RAB20: variants seen among roughly 807,000 people sequenced by gnomAD.
RAB20 encodes the protein ras-related protein Rab-20.
RAB20 carries 2 observed loss-of-function variants against 3.7 expected under a neutral mutation model. That is an observed-to-expected ratio of 0.54 (90% CI 0.22 to 1.69). The LOEUF (loss-of-function observed/expected upper bound fraction) is 1.69. Ranked by LOEUF, RAB20 falls within the 40% of genes most tolerant of loss-of-function variation. The pLI, the probability that RAB20 is intolerant of heterozygous loss-of-function variation, is 0.19. For synonymous variants in RAB20, 126 were observed against 130.8 expected, an observed-to-expected ratio of 0.96 and a Z score of 0.25; for missense variants, 276 against 311.9, an observed-to-expected ratio of 0.88 and a Z score of 0.87.
chr13:110,547,848 C>T (rs1485688966), intron 1 of RAB20, among the ~76,000 whole-genome samples: 1 of 152,182 alleles, frequency 6.6e-6, no homozygotes, highest in Non-Finnish European at 1.5e-5. Context: ...CCTGCATGAC[C>T]CCACAAGCTA....
chr13:110,528,788 C>T (rs1170936953), intron 1 of RAB20, among the ~76,000 whole-genome samples: 1 of 152,134 alleles, frequency 6.6e-6, no homozygotes, highest in Non-Finnish European at 1.5e-5. Context: ...AAGGAAAGAT[C>T]TTAGTAATGA....
chr13:110,530,483 A>G (rs11616291), intron 1 of RAB20, among the ~76,000 whole-genome samples: 1 of 41,980 alleles, frequency 2.4e-5, no homozygotes, highest in Non-Finnish European at 4.1e-5. Context: ...CAGACACAGG[A>G]CCCTGGGGAA....
chr13:110,556,349 G>A (rs1420405075), intron 1 of RAB20, among the ~76,000 whole-genome samples: 1 of 152,186 alleles, frequency 6.6e-6, no homozygotes, highest in African/African-American at 2.4e-5. Context: ...CCTTTTCGGA[G>A]AGAGGATAAA....
intron 1 of RAB20, among the ~76,000 whole-genome samples, chr13:110,552,117 G>T (rs1003290603): frequency 6.6e-6 from 1 of 152,022 alleles, no homozygotes; most frequent in Non-Finnish European, 1.5e-5. Context: ...GGTAGCTCAC[G>T]CCTGTAATCC....
rs1297863568 is a variant in RAB20, at chr13:110,555,805, T to C, written c.172+5543A>G. On this transcript the variant is annotated intron_variant, in intron 1 of 1. Transcript: ENST00000267328. The surrounding 1 kb of genome is among the most constrained non-coding windows in gnomAD (Gnocchi z 4.0). The stretch of plus-strand genomic sequence containing the variant: ...GATGGCGACTTTTATTCTCACTCTT[T>C]ACCACGGCCACCGCGAGTGCCCCCA... Among the ~76,000 whole-genome samples, 1 of 152,166 alleles carries C rather than the reference T, an allele frequency of 6.6e-6. No individual in the cohort carries two copies. Among genetic ancestry groups the C allele is most frequent in the African/African-American group, 2.4e-5 (1 of 41,448 alleles).
Position 110,542,270 on chromosome 13 carries a change from T to C in RAB20, c.173-18073A>G, listed in dbSNP as rs1306751270. The stretch of plus-strand genomic sequence containing the variant: ...TTGATGTATCATGAAATGATTACCC[T>C]ATTAAGCTAATTAACACATCTATCA... On this transcript the variant is annotated intron_variant, in intron 1 of 1. Coordinates refer to ENST00000267328, the MANE Select transcript of RAB20 (RefSeq NM_017817.3). 2.0e-5 allele frequency among the ~76,000 whole-genome samples: 3 copies of C among 152,342 alleles called. No individual in the cohort carries two copies. In the East Asian group the frequency reaches 5.8e-4, roughly 29 times the overall value.
intron 1 of RAB20, among the ~76,000 whole-genome samples, chr13:110,552,614 A>G (rs1291408549): frequency 6.6e-6 from 1 of 151,422 alleles, no homozygotes; most frequent in African/African-American, 2.4e-5. Context: ...AATGGCGTGA[A>G]CCCAGGAGGC....
At chr13:110,533,889 C>A (rs1884593069) in intron 1 of RAB20, among the ~76,000 whole-genome samples, 1 of 152,230 alleles carries the variant, frequency 6.6e-6, no homozygotes, top group African/African-American at 2.4e-5. Flanking sequence ...CACCTGCCCC[C>A]ACCAGTACGT....
chr13:110,530,010 CA>C (rs1472094672), intron 1 of RAB20, among the ~76,000 whole-genome samples: 9 of 152,342 alleles, frequency 5.9e-5, no homozygotes, highest in Admixed American at 2.0e-4. Context: ...CACTGTTGGA[CA>C]AACTACTGAA....
chr13:110,559,304 T>C (rs1228877280), intron 1 of RAB20, among the ~76,000 whole-genome samples: 1 of 152,130 alleles, frequency 6.6e-6, no homozygotes, highest in Non-Finnish European at 1.5e-5. Context: ...GCCTCGGTTA[T>C]GACAATTACA....
intron 1 of RAB20, among the ~76,000 whole-genome samples, chr13:110,559,558 C>T (rs1885098293): frequency 6.6e-6 from 1 of 152,202 alleles, no homozygotes; most frequent in South Asian, 2.1e-4. Context: ...TGAGTGTGTA[C>T]ACAGGAAGTC....
At chr13:110,546,765 TCTCA>T (rs992105320) in intron 1 of RAB20, among the ~76,000 whole-genome samples, 1 of 149,636 alleles carries the variant, frequency 6.7e-6, no homozygotes, top group Non-Finnish European at 1.5e-5. Flanking sequence ...TGAGACAGGG[TCTCA>T]CTCTGTTGCC....
chr13:110,524,294 T>C lies in RAB20; in HGVS notation c.173-97A>G, dbSNP rs925798580. 2 of 1,449,010 alleles carry C rather than the reference T, an allele frequency of 1.4e-6. No homozygotes were observed. The highest frequency in any genetic ancestry group is 2.6e-4 in the Middle Eastern group (1 of 3,916). The allele number at this position is 1,449,010 out of a possible 1,614,324, so 89.8% of individuals were successfully genotyped here. On this transcript the variant is annotated intron_variant, in intron 1 of 1. Coordinates refer to ENST00000267328, the MANE Select transcript of RAB20 (RefSeq NM_017817.3). ...GGGAACGTCCCACAGGGATGTTTAT[T>C]TTTAGGGCAACACACACAGGATGAA...
chr13:110,559,192 T>C (rs558044090), intron 1 of RAB20, among the ~76,000 whole-genome samples: 1 of 152,300 alleles, frequency 6.6e-6, no homozygotes, highest in Admixed American at 6.5e-5. Context: ...AAACATCCTG[T>C]CGCCCTCTGC....
chr13:110,542,957 A>G (rs1356961809), intron 1 of RAB20, among the ~76,000 whole-genome samples: 1 of 151,988 alleles, frequency 6.6e-6, no homozygotes, highest in Non-Finnish European at 1.5e-5. Context: ...ACCAGCACTT[A>G]CCCTTTGTCT....
chr13:110,554,163 G>A lies in RAB20; in HGVS notation c.172+7185C>T, dbSNP rs117469607. Among the ~76,000 whole-genome samples, 1,132 of 152,232 alleles carry A rather than the reference G, an allele frequency of 7.4e-3. 13 individuals carry two copies. The highest frequency in any genetic ancestry group is 0.016 in the South Asian group (77 of 4,820). ...ATAAATAAAATCCCCCTGGCTCCAC[G>A]TGTTTTGCAGGCTGTGCATTCACTT... is the stretch of plus-strand genomic sequence containing the variant. On this transcript the variant is annotated intron_variant, in intron 1 of 1. Coordinates refer to ENST00000267328, the MANE Select transcript of RAB20 (RefSeq NM_017817.3).
At chr13:110,538,099 C>A (rs1027538816) in intron 1 of RAB20, among the ~76,000 whole-genome samples, 3 of 151,696 alleles carry the variant, frequency 2.0e-5, no homozygotes, top group Non-Finnish European at 4.4e-5. Flanking sequence ...AATCAGTGGG[C>A]ATGGTGGTGT....
At position 110,555,569 on chromosome 13, in the gene RAB20, C is replaced by T. The variant is rs1885024394; in HGVS notation, c.172+5779G>A. Among the ~76,000 whole-genome samples, 1 of 152,230 alleles carries T rather than the reference C, an allele frequency of 6.6e-6. No homozygotes were observed. Among genetic ancestry groups the T allele is most frequent in the Admixed American group, 6.5e-5 (1 of 15,282 alleles). On this transcript the variant is annotated intron_variant, in intron 1 of 1. Coordinates refer to ENST00000267328, the MANE Select transcript of RAB20 (RefSeq NM_017817.3). This position sits in a 1 kb window ranked among gnomAD's most constrained non-coding sequence, Gnocchi z 4.0. ...CAAGAACATTGGGGTCTGCAAGGCT[C>T]ATGCCAAAGCTCAGACTTCTAGTTG...
chr13:110,553,146 G>A (rs918111747), intron 1 of RAB20, among the ~76,000 whole-genome samples: 1 of 152,270 alleles, frequency 6.6e-6, no homozygotes, highest in African/African-American at 2.4e-5. Flanking sequence ...GCACCTGTTC[G>A]AAGTCCTCAG....
Sources: allele counts gnomAD v4.1 joint callset (sites outside exome capture counted in the v4.1 genomes callset), GRCh38; gene constraint gnomAD v4.1.1; non-coding constraint Gnocchi (gnomAD v3.1); transcripts MANE v1.5; gene names NCBI Gene and HGNC (gene_info 2026-07-23, HGNC 2026-07-21).